FXR1: variants seen among roughly 807,000 people sequenced by gnomAD.
FXR1 encodes the protein RNA-binding protein FXR1.
FXR1 carries 15 observed loss-of-function variants against 84.0 expected under a neutral mutation model. The ratio of observed to expected loss-of-function variants is 0.18; its 90% CI spans 0.12 to 0.27. FXR1 has a LOEUF of 0.27. FXR1 is among the 10% of genes least tolerant of loss of function. The pLI, the probability that FXR1 is intolerant of heterozygous loss-of-function variation, is 1.00. For synonymous variants in FXR1, 245 were observed against 250.7 expected (o/e 0.98, Z 0.21); for missense variants, 480 against 774.4 (o/e 0.62, Z 4.51).
chr3:180,954,265 C>T (rs1352675385), intron 9 of FXR1, among the ~76,000 whole-genome samples: 1 of 152,042 alleles, frequency 6.6e-6, no homozygotes, highest in African/African-American at 2.4e-5. Flanking sequence ...TAACAGTGAA[C>T]TAACAATAGG....
rs978501773 is a variant in FXR1 at position 180,978,422 on chromosome 3, C to A, written c.*2130C>A. 1 of 151,948 alleles carries A rather than the reference C, an allele frequency of 6.6e-6. No homozygotes were observed. The highest frequency in any genetic ancestry group is 1.5e-5 in the Non-Finnish European group (1 of 67,946). The allele number at this position is 151,948 out of a possible 1,614,324, so 9.4% of individuals were successfully genotyped here. The stretch of plus-strand genomic sequence containing the variant: ...AGGTAGTGCAGAATTGTGATAAATA[C>A]GCATTTGTTTTTTTAGAGAGCCCCA... On this transcript the variant is annotated 3_prime_UTR_variant, in exon 17 of 17. Transcript: ENST00000357559.
chr3:180,938,643 G>A (rs1027813620), intron 3 of FXR1, among the ~76,000 whole-genome samples: 7 of 151,680 alleles, frequency 4.6e-5, no homozygotes, highest in Non-Finnish European at 2.9e-5. Flanking sequence ...CCACCTCCCG[G>A]GTTCAAGCGA....
intron 1 of FXR1, 97 bp downstream of exon 1, chr3:180,912,833 AGGCAG>A: frequency 6.2e-7 from 1 of 1,601,848 alleles, no homozygotes; most frequent in Non-Finnish European, 8.5e-7. Flanking sequence ...GGGGTCGGAA[AGGCAG>A]CCAGGCCAAA....
At chr3:180,947,178 A>C (rs989856912) in intron 3 of FXR1, among the ~76,000 whole-genome samples, 2 of 152,120 alleles carry the variant, frequency 1.3e-5, no homozygotes, top group Non-Finnish European at 2.9e-5. Flanking sequence ...CCCTCCGAGT[A>C]GATGAGATTA....
At chr3:180,945,997 A>G (rs1287260183) in intron 3 of FXR1, among the ~76,000 whole-genome samples, 1 of 152,194 alleles carries the variant, frequency 6.6e-6, no homozygotes, top group Non-Finnish European at 1.5e-5. Context: ...TTGTAAGATA[A>G]TTTCACATTT....
chr3:180,921,127 T>G (rs946320278), intron 1 of FXR1, among the ~76,000 whole-genome samples: 5 of 152,066 alleles, frequency 3.3e-5, no homozygotes, highest in Non-Finnish European at 7.4e-5. Context: ...CCCAGCACTT[T>G]GGGAGGCTGA....
intron 1 of FXR1, among the ~76,000 whole-genome samples, chr3:180,919,519 A>G (rs1718317931): frequency 1.3e-5 from 2 of 151,802 alleles, no homozygotes; most frequent in South Asian, 4.2e-4. Context: ...CCTAACCTCA[A>G]ATGTTCCACC....
intron 14 of FXR1, among the ~76,000 whole-genome samples, 174 bp from the exon 15 acceptor site, chr3:180,969,980 TTTAA>T (rs1244193733): frequency 6.6e-6 from 1 of 152,194 alleles, no homozygotes; most frequent in Non-Finnish European, 1.5e-5. Flanking sequence ...TTTTATCATA[TTTAA>T]TTATCTTTGT....
At position 180,957,903 on chromosome 3, in the gene FXR1, A is replaced by G. The variant is rs1171627132; in HGVS notation, c.965A>G (p.Asn322Ser). The stretch of plus-strand genomic sequence containing the variant: ...GTTCGAGTGAGAATTGAAGGGGACA[A>G]TGAAAATAAATTACCCAGAGAAGAC... Reference protein sequence around the residue: ...GVVRVRIEGDNENKLPREDGM... With the variant: ...GVVRVRIEGDSENKLPREDGM... The change falls in exon 10 of 17, where the codon AAT becomes AGT. Residue 322 changes from asparagine (N) to serine (S), a missense_variant. Asn to Ser is a conservative substitution (Grantham distance 46). Around this residue, in one of 6 missense-constraint regions of FXR1, gnomAD observed 33 missense variants for 42.4 expected, o/e 0.78. Coordinates refer to ENST00000357559, the MANE Select transcript of FXR1 (RefSeq NM_005087.4). The G allele has an allele frequency of 2.6e-6, 4 of 1,530,672 alleles. No homozygotes were observed. Among genetic ancestry groups the G allele is most frequent in the East Asian group, 2.3e-5 (1 of 43,734 alleles). The allele number at this position is 1,530,672 out of a possible 1,614,324, so 94.8% of individuals were successfully genotyped here. A position where few individuals can be genotyped will look rare whatever the true frequency, so the allele number is the denominator to read the frequency against.
At chr3:180,955,314 A>C (rs574804224) in intron 9 of FXR1, among the ~76,000 whole-genome samples, 1 of 151,990 alleles carries the variant, frequency 6.6e-6, no homozygotes, top group African/African-American at 2.4e-5. Context: ...AAGCCTTTCA[A>C]TTCTCCTCAA....
chr3:180,965,442 AATAAATTATC>A (rs1305972978), intron 13 of FXR1, among the ~76,000 whole-genome samples: 4 of 152,272 alleles, frequency 2.6e-5, no homozygotes, highest in African/African-American at 9.6e-5. Context: ...CTATTGCAGT[AATAAATTATC>A]ACAAACTTAG....
chr3:180,929,518 G>A (rs1158509187), intron 1 of FXR1, among the ~76,000 whole-genome samples: 1 of 152,188 alleles, frequency 6.6e-6, no homozygotes, highest in Admixed American at 6.5e-5. Flanking sequence ...CAAAGGCTTT[G>A]TTCTGAGAAA....
At position 180,979,758 on chromosome 3, in the gene FXR1, C is replaced by A. The variant is rs980063341; in HGVS notation, c.*3466C>A. On this transcript the variant is annotated 3_prime_UTR_variant, in exon 17 of 17. Coordinates refer to ENST00000357559, the MANE Select transcript of FXR1 (RefSeq NM_005087.4). ...CATTACACTGAACAGTAGGAAATTA[C>A]CACTTTTGTAAGGCTCAAAAATGAT... 6.6e-6 allele frequency: 1 copy of A among 151,988 alleles called. No individual in the cohort carries two copies. The highest frequency in any genetic ancestry group is 2.4e-5 in the African/African-American group (1 of 41,400). The allele number at this position is 151,988 out of a possible 1,614,324, so 9.4% of individuals were successfully genotyped here. A position where few individuals can be genotyped will look rare whatever the true frequency, so the allele number is the denominator to read the frequency against.
intron 15 of FXR1, among the ~76,000 whole-genome samples, chr3:180,974,768 C>A (rs140966169): frequency 1.3e-5 from 2 of 152,028 alleles, no homozygotes; most frequent in East Asian, 3.9e-4. Flanking sequence ...CACTCAGAAT[C>A]GTTTCTAGTG....
intron 4 of FXR1, 155 bp downstream of exon 4, chr3:180,948,091 G>T: frequency 1.6e-6 from 1 of 615,712 alleles, no homozygotes; most frequent in South Asian, 2.2e-5. Flanking sequence ...ATTTCTGTTT[G>T]TGTTCTGTAT....
rs1178887915 is a variant in FXR1 at position 180,977,844 on chromosome 3, A to C, written c.*1552A>C. 6.6e-6 allele frequency: 1 copy of C among 152,096 alleles called. No individual in the cohort carries two copies. Among genetic ancestry groups the C allele is most frequent in the Non-Finnish European group, 1.5e-5 (1 of 67,986 alleles). The allele number at this position is 152,096 out of a possible 1,614,324, so 9.4% of individuals were successfully genotyped here. The stretch of plus-strand genomic sequence containing the variant: ...ATTCAGGGTATAGTTAAAAATGTAC[A>C]ATGTGCCAGTTCAGTATATATAACC... On this transcript the variant is annotated 3_prime_UTR_variant, in exon 17 of 17. Coordinates refer to ENST00000357559, the MANE Select transcript of FXR1 (RefSeq NM_005087.4).
rs987861715 is a variant in FXR1, at chr3:180,918,728, T to C, written c.51+5992T>C. On this transcript the variant is annotated intron_variant, in intron 1 of 16. Transcript: ENST00000357559. ...TTTCCTTTAACCTATTTATAAGTTG[T>C]GAAATCTTTGCTAGTTTCTGTTGAT... Among the ~76,000 whole-genome samples, 4 of 152,342 alleles carry C rather than the reference T, an allele frequency of 2.6e-5. No homozygotes were observed. The South Asian group carries it at 8.3e-4, about 32-fold the overall frequency.
chr3:180,944,385 A>T (rs1326586715), intron 3 of FXR1, among the ~76,000 whole-genome samples: 2 of 151,114 alleles, frequency 1.3e-5, no homozygotes. Context: ...TAGTGGCATG[A>T]TCATGGCTCA....
At chr3:180,926,510 T>A (rs1355934040) in intron 1 of FXR1, among the ~76,000 whole-genome samples, 23 of 129,992 alleles carry the variant, frequency 1.8e-4, no homozygotes, top group South Asian at 4.7e-4. Context: ...ATATATATTT[T>A]TTTTTCTGGC....
Sources: gnomAD v4.1 joint callset for allele counts (sites outside exome capture counted in the v4.1 genomes callset) on GRCh38, gnomAD v4.1.1 for gene constraint, gnomAD v4.1.1 regional missense constraint, MANE v1.5 for transcripts, NCBI Gene and HGNC (gene_info 2026-07-23, HGNC 2026-07-21) for gene names.